GRID2: variants seen among roughly 807,000 people sequenced by gnomAD.
GRID2 encodes glutamate ionotropic receptor delta type subunit 2, also known as glutamate receptor ionotropic, delta-2.
In GRID2, 33 loss-of-function variants were observed where a neutral mutation model predicts 114.8. The ratio of observed to expected loss-of-function variants is 0.29; its 90% CI spans 0.22 to 0.38. The LOEUF is 0.38. Ranked by LOEUF, GRID2 falls within the 10% of genes least tolerant of loss-of-function variation. The pLI, the probability that GRID2 is intolerant of heterozygous loss-of-function variation, is 1.00. For missense variants in GRID2, 1,184 were observed against 1,257.7 expected (o/e 0.94, Z 0.89); for synonymous variants, 505 against 449.9 (o/e 1.12, Z -1.55).
At chr4:93,045,298 T>G (rs560269773) in intron 2 of GRID2, among the ~76,000 whole-genome samples, 2 of 152,248 alleles carry the variant, frequency 1.3e-5, no homozygotes, top group African/African-American at 4.8e-5. Context: ...CATCTCTCTT[T>G]TTGCTCCTAA....
At chr4:93,163,717 ATTAC>A (rs1467024929) in intron 4 of GRID2, among the ~76,000 whole-genome samples, 1 of 151,914 alleles carries the variant, frequency 6.6e-6, no homozygotes, top group Non-Finnish European at 1.5e-5. Flanking sequence ...TGAAATTTTA[ATTAC>A]TTAAGGAACA....
chr4:93,455,226 T>G (rs1224064044), intron 10 of GRID2, among the ~76,000 whole-genome samples: 1 of 152,138 alleles, frequency 6.6e-6, no homozygotes, highest in Admixed American at 6.5e-5. Context: ...AATGCCATGT[T>G]GAAGTTTCTA....
At chr4:93,393,557 C>A (rs1052696781) in intron 8 of GRID2, among the ~76,000 whole-genome samples, 5 of 151,942 alleles carry the variant, frequency 3.3e-5, no homozygotes, top group African/African-American at 1.2e-4. Context: ...ACTTCAAATG[C>A]TTTTTTGCTG....
At chr4:92,689,368 G>C (rs566123273) in intron 2 of GRID2, among the ~76,000 whole-genome samples, 1 of 152,110 alleles carries the variant, frequency 6.6e-6, no homozygotes, top group Non-Finnish European at 1.5e-5. Flanking sequence ...TCTACATTTA[G>C]AATCTGTTAT....
chr4:92,589,506 TA>T (rs1166559336), intron 1 of GRID2, among the ~76,000 whole-genome samples: 1 of 152,210 alleles, frequency 6.6e-6, no homozygotes, highest in African/African-American at 2.4e-5. Context: ...TACACATGGA[TA>T]AAAAATGCTA....
At chr4:93,270,215 T>TAC (rs34945534) in intron 8 of GRID2, among the ~76,000 whole-genome samples, 8,236 of 137,032 alleles carry the variant, frequency 0.06, 243 homozygotes, top group Non-Finnish European at 0.083. Flanking sequence ...CACACACACA[T>TAC]ACACACACAC....
intron 2 of GRID2, among the ~76,000 whole-genome samples, chr4:92,875,182 G>A (rs1026506745): frequency 9.0e-6 from 1 of 110,910 alleles, no homozygotes; most frequent in Non-Finnish European, 1.7e-5. Flanking sequence ...TTTTTCCCGA[G>A]ACGGAGTCTC....
At chr4:92,770,767 A>G (rs1395340642) in intron 2 of GRID2, among the ~76,000 whole-genome samples, 1 of 152,026 alleles carries the variant, frequency 6.6e-6, no homozygotes, top group Non-Finnish European at 1.5e-5. Context: ...CCATAATTCA[A>G]TCACCTCCAA....
At chr4:92,851,619 T>G (rs899688785) in intron 2 of GRID2, among the ~76,000 whole-genome samples, 1 of 151,992 alleles carries the variant, frequency 6.6e-6, no homozygotes, top group Admixed American at 6.6e-5. Flanking sequence ...TATCAAACAT[T>G]AGTATATCTA....
intron 1 of GRID2, among the ~76,000 whole-genome samples, chr4:92,447,772 C>T (rs187911915): frequency 6.6e-6 from 1 of 152,132 alleles, no homozygotes; most frequent in Non-Finnish European, 1.5e-5. Flanking sequence ...AGCAAGCTAA[C>T]ATTCTGAGTT....
At chr4:92,341,090 A>G (rs1560576070) in intron 1 of GRID2, among the ~76,000 whole-genome samples, 1 of 152,240 alleles carries the variant, frequency 6.6e-6, no homozygotes, top group Non-Finnish European at 1.5e-5. Flanking sequence ...TAAAATGTGT[A>G]TACTATACAG....
intron 8 of GRID2, among the ~76,000 whole-genome samples, chr4:93,277,253 T>G (rs1369571085): frequency 2.0e-5 from 3 of 151,954 alleles, no homozygotes; most frequent in Non-Finnish European, 4.4e-5. Context: ...GTCCATTATT[T>G]TGCTTACAAA....
intron 1 of GRID2, among the ~76,000 whole-genome samples, chr4:92,332,177 A>T (rs1726924663): frequency 6.6e-6 from 1 of 152,136 alleles, no homozygotes; most frequent in Non-Finnish European, 1.5e-5. Flanking sequence ...AAGGAAAAAA[A>T]AATTTACTTG....
At chr4:92,569,223 C>T (rs1727493382) in intron 1 of GRID2, among the ~76,000 whole-genome samples, 1 of 151,674 alleles carries the variant, frequency 6.6e-6, no homozygotes, top group Non-Finnish European at 1.5e-5. Flanking sequence ...AAAGGTGGCA[C>T]TTGGTTCTCT....
At chr4:93,005,994 T>C (rs1167503182) in intron 2 of GRID2, among the ~76,000 whole-genome samples, 4 of 152,074 alleles carry the variant, frequency 2.6e-5, no homozygotes, top group Non-Finnish European at 4.4e-5. Flanking sequence ...ATGATTGCTT[T>C]TCTATTTGCT....
At chr4:92,889,029 A>T (rs373695114) in intron 2 of GRID2, among the ~76,000 whole-genome samples, 5 of 152,216 alleles carry the variant, frequency 3.3e-5, no homozygotes, top group African/African-American at 1.2e-4. Flanking sequence ...TTGTTGTTGT[A>T]CTGAATGCTA....
chr4:92,941,629 C>G (rs1008418127), intron 2 of GRID2, among the ~76,000 whole-genome samples: 26 of 152,088 alleles, frequency 1.7e-4, no homozygotes, highest in African/African-American at 6.0e-4. Context: ...TGTGTTTGCT[C>G]TTGCTTCTCC....
intron 2 of GRID2, among the ~76,000 whole-genome samples, chr4:92,734,809 TG>T (rs1271333478): frequency 1.3e-5 from 2 of 151,238 alleles, no homozygotes; most frequent in Non-Finnish European, 2.9e-5. Context: ...AGACATGTCT[TG>T]TTCTGTCACT....
chr4:93,361,088 C>G (rs888488715), intron 8 of GRID2, among the ~76,000 whole-genome samples: 3 of 151,888 alleles, frequency 2.0e-5, no homozygotes, highest in Non-Finnish European at 2.9e-5. Context: ...ATAGGTAACA[C>G]TTATTGACAT....
Sources: allele counts gnomAD v4.1 joint callset (sites outside exome capture counted in the v4.1 genomes callset), GRCh38; gene constraint gnomAD v4.1.1; transcripts MANE v1.5; gene names NCBI Gene and HGNC (gene_info 2026-07-23, HGNC 2026-07-21).